The following ERBB3 variants were observed in gnomAD, a reference collection of about 807,000 sequenced individuals.
ERBB3 encodes receptor tyrosine-protein kinase erbB-3.
A neutral mutation model predicts 156.7 loss-of-function variants in ERBB3; 96 were observed. That is an observed-to-expected ratio of 0.61 (90% confidence interval 0.52 to 0.73). The LOEUF is 0.73. ERBB3 is among the 30% of genes least tolerant of loss of function. ERBB3 has a pLI of 0.00. For synonymous variants in ERBB3, 567 were observed against 632.0 expected (o/e 0.90, Z 1.54); for missense variants, 1,406 against 1,709.4 (o/e 0.82, Z 3.13).
At chr12:56,092,668 C>T (rs749006635) in intron 9 of ERBB3, 79 bp from the exon 10 acceptor site, 5 of 994,582 alleles carry the variant, frequency 5.0e-6, no homozygotes, top group Non-Finnish European at 6.5e-6. Context: ...ATTTAGAAAC[C>T]AAATGCTGAG....
At position 56,088,080 on chromosome 12, in the gene ERBB3, C is replaced by G. The variant is rs2136795224; in HGVS notation, c.792C>G (p.Val264=). The G allele has an allele frequency of 6.2e-7, 1 of 1,614,160 alleles. No individual in the cohort carries two copies. Among genetic ancestry groups the G allele is most frequent in the Non-Finnish European group, 8.5e-7 (1 of 1,179,986 alleles). ...ACVPRCPQPL[V]YNKLTFQLEP... is the part of the protein sequence containing the mutation. ...TACCTCGCTGTCCACAGCCTCTTGT[C>G]TACAACAAGCTAACTTTCCAGCTGG... The change falls in exon 7 of 28, where the codon GTC becomes GTG. Residue 264 remains valine (V), a synonymous_variant. Coordinates refer to ENST00000267101, the MANE Select transcript of ERBB3 (RefSeq NM_001982.4).
chr12:56,096,506 A>C lies in ERBB3; in HGVS notation c.2059A>C (p.Ile687Leu). 6.2e-7 allele frequency: 1 copy of C among 1,614,078 alleles called. No homozygotes were observed. The highest frequency in any genetic ancestry group is 8.5e-7 in the Non-Finnish European group (1 of 1,180,024). The change falls in exon 18 of 28, where the codon ATA (isoleucine) becomes CTA (leucine). Residue 687 changes from isoleucine (I) to leucine (L), a missense_variant. Ile to Leu is a conservative substitution (Grantham distance 5). Coordinates refer to ENST00000267101, the MANE Select transcript of ERBB3 (RefSeq NM_001982.4). ...CTCCTTCCCATTTGCTCCTCAGAGCATAGAGCCTCTGGACCCCAGTGAGAA... is the reference window on the plus strand; with the variant it reads ...CTCCTTCCCATTTGCTCCTCAGAGCCTAGAGCCTCTGGACCCCAGTGAGAA... ...MRRYLERGES[I>L]EPLDPSEKAN...
At position 56,093,329 on chromosome 12, in the gene ERBB3, G is replaced by T; in HGVS notation, c.1275-16G>T. On this transcript the variant is annotated splice_polypyrimidine_tract_variant and intron_variant, in intron 11 of 27. Coordinates refer to ENST00000267101, the MANE Select transcript of ERBB3 (RefSeq NM_001982.4). The stretch of plus-strand genomic sequence containing the variant: ...CCTTAGTAGTCTCTCCTCTCATCCT[G>T]TCTCCTTATTCTCAGCCGGGGCTTC... 1 of 1,606,778 alleles carries T rather than the reference G, an allele frequency of 6.2e-7. No individual in the cohort carries two copies. Among genetic ancestry groups the T allele is most frequent in the Non-Finnish European group, 8.5e-7 (1 of 1,173,614 alleles).
chr12:56,086,391 C>A, intron 3 of ERBB3, 140 bp from the exon 4 acceptor site: 2 of 1,026,936 alleles, frequency 1.9e-6, no homozygotes, highest in Non-Finnish European at 3.0e-6. Context: ...GTCTTCTCTG[C>A]AGCTTAGATT....
intron 2 of ERBB3, 78 bp downstream of exon 2, chr12:56,083,980 C>T (rs1364630603): frequency 7.0e-7 from 1 of 1,426,188 alleles, no homozygotes; most frequent in African/African-American, 1.4e-5. Flanking sequence ...TTCAGGGCTA[C>T]CTTCTGCTGG....
rs1486612893 is a variant in ERBB3, at chr12:56,097,111, T to C, written c.2341T>C (p.Ser781Pro). The C allele has an allele frequency of 2.5e-6, 4 of 1,614,044 alleles. No individual in the cohort carries two copies. The highest frequency in any genetic ancestry group is 3.4e-6 in the Non-Finnish European group (4 of 1,179,996). The change falls in exon 20 of 28, where the codon TCA (serine) becomes CCA (proline). Residue 781 changes from serine (S) to proline (P), a missense_variant. By Grantham distance (74) the Ser-to-Pro change is moderately conservative. This residue lies in a region of ERBB3 where 979 missense variants were observed against 1,219.6 expected (regional missense o/e 0.80). Coordinates refer to ENST00000267101, the MANE Select transcript of ERBB3 (RefSeq NM_001982.4). ...AAGGCTGCTGGGACTATGCCCAGGG[T>C]CATCTCTGCAGCTTGTCACTCAATA... is the stretch of plus-strand genomic sequence containing the variant. ...IVRLLGLCPG[S>P]SLQLVTQYLP...
Position 56,102,056 on chromosome 12 carries a change from C to CG in ERBB3, c.*1_*2insG. On this transcript the variant is annotated 3_prime_UTR_variant, in exon 28 of 28. Transcript: ENST00000267101. The stretch of plus-strand genomic sequence containing the variant: ...CAAGGCTAATGCCCAGAGAACGTAA[C>CG]TCCTGCTCCCTGTGGCACTCAGGGA... 2 of 1,606,224 alleles carry CG rather than the reference C, an allele frequency of 1.2e-6. No homozygotes were observed. The highest frequency in any genetic ancestry group is 1.7e-6 in the Non-Finnish European group (2 of 1,179,810).
chr12:56,100,358 AGGGCC>A, intron 26 of ERBB3, 113 bp downstream of exon 26: 1 of 929,772 alleles, frequency 1.1e-6, no homozygotes, highest in Non-Finnish European at 1.8e-6. Flanking sequence ...GAAGGCAGTG[AGGGCC>A]GGGCGAGTTG....
At chr12:56,093,624 T>C in intron 12 of ERBB3, 74 bp downstream of exon 12, 1 of 1,562,324 alleles carries the variant, frequency 6.4e-7, no homozygotes, top group Admixed American at 1.7e-5. Flanking sequence ...TATTCTGCCC[T>C]AGACGTGGGA....
At chr12:56,097,623 CTCCCCT>C (rs577296673) in intron 20 of ERBB3, among the ~76,000 whole-genome samples, 156 bp from the exon 21 acceptor site, 415 of 152,254 alleles carry the variant, frequency 2.7e-3, no homozygotes, top group Middle Eastern at 6.8e-3. Flanking sequence ...AAAACCAACC[CTCCCCT>C]TCCCCTGGAA....
At chr12:56,093,635 G>C in intron 12 of ERBB3, 85 bp downstream of exon 12, 1 of 1,552,868 alleles carries the variant, frequency 6.4e-7, no homozygotes, top group Non-Finnish European at 8.8e-7. Flanking sequence ...AGACGTGGGA[G>C]TAGGGTTGAG....
chr12:56,083,864 GTGCTCACGGGACACAA>G lies in ERBB3; in HGVS notation c.200_215del (p.Leu67ProfsTer12), dbSNP rs749981785. 4.3e-6 allele frequency: 7 copies of G among 1,614,050 alleles called. No individual in the cohort carries two copies. The highest frequency in any genetic ancestry group is 5.9e-6 in the Non-Finnish European group (7 of 1,180,046). ...GGTGGTGATGGGGAACCTTGAGATT[GTGCTCACGGGACACAA>G]TGCCGACCTCTCCTTCCTGCAGGTT... On this transcript the variant is annotated frameshift_variant, in exon 2 of 28. Coordinates refer to ENST00000267101, the MANE Select transcript of ERBB3 (RefSeq NM_001982.4). LOFTEE classifies it high-confidence loss of function.
intron 17 of ERBB3, chr12:56,096,207 TACTC>T (rs1378068503): frequency 3.8e-6 from 2 of 530,692 alleles, no homozygotes; most frequent in Admixed American, 3.2e-5. Flanking sequence ...GTATAAAAGG[TACTC>T]AAGGTGGTAA....
At position 56,099,924 on chromosome 12, in the gene ERBB3, A is replaced by ACTAGAC. The variant is rs755187499; in HGVS notation, c.3037_3042dup (p.Asp1014_Leu1015dup). The ACTAGAC allele has an allele frequency of 1.7e-5, 27 of 1,614,142 alleles. No homozygotes were observed. The highest frequency in any genetic ancestry group is 2.2e-5 in the East Asian group (1 of 44,902). ...TAGAGGAAGTAGAGCTGGAGCCAGA[A>ACTAGAC]CTAGACCTAGACCTAGACTTGGAAG... On this transcript the variant is annotated inframe_insertion, in exon 25 of 28. Transcript: ENST00000267101.
chr12:56,088,577 G>A lies in ERBB3; in HGVS notation c.909G>A (p.Arg303=), dbSNP rs1031968075. ...TGGTGGATCAAACATCCTGTGTCAG[G>A]GCCTGTCCTCCTGACAAGATGGAAG... The part of the protein sequence containing the change: ...NFVVDQTSCV[R]ACPPDKMEVD... The change falls in exon 8 of 28, where the codon AGG becomes AGA. Residue 303 remains arginine, a synonymous_variant. Transcript: ENST00000267101. 2.5e-6 allele frequency: 4 copies of A among 1,613,890 alleles called. No individual in the cohort carries two copies. The highest frequency in any genetic ancestry group is 1.1e-5 in the South Asian group (1 of 91,070).
rs1477603716 is a variant in ERBB3 at position 56,091,632 on chromosome 12, G to T, written c.1110-1115G>T. 2.0e-5 allele frequency among the ~76,000 whole-genome samples: 3 copies of T among 151,746 alleles called. No individual in the cohort carries two copies. The East Asian group carries it at 5.9e-4, about 30-fold the overall frequency. ...GGATTATAGGCATGCGCCGCTGCCAGGCTGGAGTTTGATAAGAACACCACA... is the reference window on the plus strand; with the variant it reads ...GGATTATAGGCATGCGCCGCTGCCATGCTGGAGTTTGATAAGAACACCACA... On this transcript the variant is annotated intron_variant, in intron 9 of 27. Coordinates refer to ENST00000267101, the MANE Select transcript of ERBB3 (RefSeq NM_001982.4).
intron 21 of ERBB3, chr12:56,098,175 C>T (rs1162801686): frequency 5.3e-6 from 3 of 564,042 alleles, no homozygotes; most frequent in Non-Finnish European, 6.3e-6. Context: ...GAGGCCAAGG[C>T]GGGTGGATCA....
intron 9 of ERBB3, among the ~76,000 whole-genome samples, chr12:56,091,484 C>T (rs182379829): frequency 5.9e-4 from 86 of 146,542 alleles, no homozygotes; most frequent in Non-Finnish European, 7.1e-4. Flanking sequence ...TCTCAGCTCA[C>T]GCAACCTCCA....
chr12:56,098,248 C>CA (rs56112932), intron 21 of ERBB3: 153 of 477,306 alleles, frequency 3.2e-4, no homozygotes, highest in East Asian at 2.9e-3. Flanking sequence ...ACTAAATATA[C>CA]AAAAAAAAAA....
Sources: gnomAD v4.1 joint callset for allele counts (sites outside exome capture counted in the v4.1 genomes callset) on GRCh38, gnomAD v4.1.1 for gene constraint, gnomAD v4.1.1 regional missense constraint, MANE v1.5 for transcripts, NCBI Gene and HGNC (gene_info 2026-07-23, HGNC 2026-07-21) for gene names.